The following CNTNAP2 variants were observed in gnomAD, a reference collection of about 807,000 sequenced individuals.
CNTNAP2 encodes the protein contactin-associated protein-like 2.
A neutral mutation model predicts 155.2 loss-of-function variants in CNTNAP2; 98 were observed. The observed-to-expected ratio is 0.63, with a 90% CI of 0.54 to 0.75. The LOEUF (loss-of-function observed/expected upper bound fraction) is 0.75, where lower values mean the gene tolerates loss of function less well. Among genes scored for constraint, CNTNAP2 ranks in the 30% least tolerant of loss-of-function variants. The probability of loss-of-function intolerance (pLI) is 0.00; values close to 1 mark genes in which losing one functional copy is unlikely to be tolerated. For missense variants in CNTNAP2, 1,727 were observed against 1,688.1 expected, an observed-to-expected ratio of 1.02 and a Z score of -0.40; for synonymous variants, 651 against 631.2, an observed-to-expected ratio of 1.03 and a Z score of -0.47.
At chr7:146,944,237 A>C (rs13230428) in intron 3 of CNTNAP2, among the ~76,000 whole-genome samples, 36,234 of 141,184 alleles carry the variant, frequency 0.26, 5,108 homozygotes, top group Non-Finnish European at 0.33. Flanking sequence ...TTTTTTTTTC[A>C]AATTGTTGCA....
At chr7:146,903,483 A>C (rs1315255420) in intron 3 of CNTNAP2, among the ~76,000 whole-genome samples, 1 of 152,226 alleles carries the variant, frequency 6.6e-6, no homozygotes, top group Admixed American at 6.5e-5. Flanking sequence ...AAATGAAACT[A>C]AAACCTGATC....
rs77949913 is a variant in CNTNAP2, at chr7:147,523,407, A to G, written c.1777+37366A>G. ...ACATTTCATCACTTCACCGTATTGT[A>G]TTCTTTGGAAGCAAGTCACTAGGTC... On this transcript the variant is annotated intron_variant, in intron 11 of 23. Transcript: ENST00000361727. Among the ~76,000 whole-genome samples the G allele has an allele frequency of 3.0e-4, 46 of 152,308 alleles. 2 individuals carry two copies. In the East Asian group the frequency reaches 8.7e-3, roughly 29 times the overall value.
intron 16 of CNTNAP2, among the ~76,000 whole-genome samples, chr7:148,128,330 T>C (rs889826462): frequency 4.0e-5 from 6 of 151,846 alleles, no homozygotes; most frequent in African/African-American, 7.3e-5. Flanking sequence ...TTACTATACA[T>C]AAGAAAAAAA....
chr7:147,393,933 AAAAG>A (rs1438561579), intron 9 of CNTNAP2, among the ~76,000 whole-genome samples: 4 of 152,098 alleles, frequency 2.6e-5, no homozygotes, highest in Admixed American at 1.3e-4. Flanking sequence ...AATGAAGAGA[AAAAG>A]AAGATTTCTG....
In CNTNAP2 at chr7:147,592,829, A is replaced by G. The variant is rs113042819; in HGVS notation, c.1897+30572A>G. Among the ~76,000 whole-genome samples, 14 of 152,322 alleles carry G rather than the reference A, an allele frequency of 9.2e-5. 1 individual carries two copies. The highest frequency in any genetic ancestry group is 3.4e-4 in the African/African-American group (14 of 41,588). On this transcript the variant is annotated intron_variant, in intron 12 of 23. Coordinates refer to ENST00000361727, the MANE Select transcript of CNTNAP2 (RefSeq NM_014141.6). ...AGGTCTAGGCCCTAAGGACAAATGA[A>G]GAGTCTAATCTTTGATCAAGGCTTA...
chr7:147,090,561 T>C (rs913231179), intron 4 of CNTNAP2, among the ~76,000 whole-genome samples: 7 of 152,178 alleles, frequency 4.6e-5, no homozygotes, highest in African/African-American at 1.7e-4. Context: ...TTTTTAATGT[T>C]CTAGAATTAA....
chr7:146,609,994 C>T (rs187508258), intron 1 of CNTNAP2, among the ~76,000 whole-genome samples: 2 of 152,304 alleles, frequency 1.3e-5, no homozygotes, highest in Admixed American at 1.3e-4. Context: ...GCTCTGCAAG[C>T]TGTGATTGAA....
At chr7:147,822,914 AAC>A (rs1288283667) in intron 13 of CNTNAP2, among the ~76,000 whole-genome samples, 1 of 152,180 alleles carries the variant, frequency 6.6e-6, no homozygotes, top group African/African-American at 2.4e-5. Flanking sequence ...GCTATTTGTC[AAC>A]TCTGCAAGAG....
chr7:146,324,236 T>C (rs1037741648), intron 1 of CNTNAP2, among the ~76,000 whole-genome samples: 1 of 152,098 alleles, frequency 6.6e-6, no homozygotes, highest in African/African-American at 2.4e-5. Flanking sequence ...CACTTCAGCC[T>C]GGATGACAGA....
chr7:147,726,763 G>A (rs1450378208), intron 13 of CNTNAP2, among the ~76,000 whole-genome samples: 1 of 151,890 alleles, frequency 6.6e-6, no homozygotes, highest in Non-Finnish European at 1.5e-5. Flanking sequence ...GTTACATTAG[G>A]ATTAGAGACA....
chr7:148,199,251 A>G (rs923483524), intron 18 of CNTNAP2, among the ~76,000 whole-genome samples: 3 of 152,258 alleles, frequency 2.0e-5, no homozygotes, highest in Admixed American at 2.0e-4. Context: ...AATGTCTAAT[A>G]ACAAGAAGTG....
intron 1 of CNTNAP2, among the ~76,000 whole-genome samples, chr7:146,712,736 C>T (rs1801119955): frequency 6.6e-6 from 1 of 151,590 alleles, no homozygotes; most frequent in Non-Finnish European, 1.5e-5. Context: ...TTTGGTTATA[C>T]ACAACATGCT....
chr7:146,675,078 G>A (rs943032803), intron 1 of CNTNAP2, among the ~76,000 whole-genome samples: 1 of 152,124 alleles, frequency 6.6e-6, no homozygotes, highest in Non-Finnish European at 1.5e-5. Context: ...GACTGTGGCT[G>A]TTGGCAGGCA....
chr7:146,533,818 T>A (rs1231178780), intron 1 of CNTNAP2, among the ~76,000 whole-genome samples: 4 of 152,238 alleles, frequency 2.6e-5, no homozygotes, highest in South Asian at 4.1e-4. Flanking sequence ...TTCAGTTTTG[T>A]TTGCTCTCTC....
chr7:147,277,829 C>A (rs1467536766), intron 8 of CNTNAP2, among the ~76,000 whole-genome samples: 1 of 150,482 alleles, frequency 6.6e-6, no homozygotes, highest in East Asian at 1.9e-4. Context: ...ATAATTTTTC[C>A]TTTTCTTTCT....
In CNTNAP2 at chr7:146,833,264, T is replaced by C. The variant is rs924505482; in HGVS notation, c.209-6447T>C. Among the ~76,000 whole-genome samples, 3 of 152,298 alleles carry C rather than the reference T, an allele frequency of 2.0e-5. No homozygotes were observed. The South Asian group carries it at 6.2e-4, about 32-fold the overall frequency. On this transcript the variant is annotated intron_variant, in intron 2 of 23. Transcript: ENST00000361727. ...TATTACTTATGGAACTAATTGGTGT[T>C]GAACTTTTGACTTTGTTGACTTCGT...
intron 1 of CNTNAP2, among the ~76,000 whole-genome samples, chr7:146,270,120 A>G (rs1468383393): frequency 6.6e-6 from 1 of 152,058 alleles, no homozygotes; most frequent in Non-Finnish European, 1.5e-5. Flanking sequence ...TACTCACTCC[A>G]TCCTCCACAT....
chr7:146,154,818 A>G (rs995797650), intron 1 of CNTNAP2, among the ~76,000 whole-genome samples: 3 of 152,208 alleles, frequency 2.0e-5, no homozygotes, highest in Non-Finnish European at 2.9e-5. Context: ...AAAAGCATCT[A>G]TAGACCAGAA....
intron 10 of CNTNAP2, among the ~76,000 whole-genome samples, chr7:147,477,304 C>A (rs1297870654): frequency 6.6e-6 from 1 of 152,088 alleles, no homozygotes; most frequent in Admixed American, 6.5e-5. Context: ...AAAAGTATAA[C>A]CTCAAACTGA....
Sources: gnomAD v4.1 joint callset for allele counts (sites outside exome capture counted in the v4.1 genomes callset) on GRCh38, gnomAD v4.1.1 for gene constraint, MANE v1.5 for transcripts, NCBI Gene and HGNC (gene_info 2026-07-23, HGNC 2026-07-21) for gene names.